Variants in CREB5 observed in about 807,000 individuals in gnomAD.
CREB5 encodes the protein cAMP responsive element binding protein 5, also known as cyclic AMP-responsive element-binding protein 5.
In CREB5, 19 loss-of-function variants were observed where a neutral mutation model predicts 57.1. That is an observed-to-expected ratio of 0.33 (90% CI 0.23 to 0.49). The LOEUF (loss-of-function observed/expected upper bound fraction) is 0.49, where lower values mean the gene tolerates loss of function less well. Among genes scored for constraint, CREB5 ranks in the 20% least tolerant of loss-of-function variants. The probability of loss-of-function intolerance (pLI) is 0.99; values close to 1 mark genes in which losing one functional copy is unlikely to be tolerated. For synonymous variants in CREB5, 238 were observed against 238.3 expected, an observed-to-expected ratio of 1.00 and a Z score of 0.01; for missense variants, 579 against 671.6, an observed-to-expected ratio of 0.86 and a Z score of 1.52.
intron 7 of CREB5, among the ~76,000 whole-genome samples, chr7:28,761,326 G>A (rs573149652): frequency 2.0e-5 from 3 of 152,256 alleles, no homozygotes; most frequent in East Asian, 3.9e-4. Flanking sequence ...TAACTGCTCT[G>A]GACTTCACTT....
intron 3 of CREB5, among the ~76,000 whole-genome samples, chr7:28,495,571 C>T (rs1792005859): frequency 6.6e-6 from 1 of 151,688 alleles, no homozygotes; most frequent in African/African-American, 2.4e-5. Context: ...CCTGTAATCA[C>T]ACTCGAGCAA....
intron 7 of CREB5, among the ~76,000 whole-genome samples, chr7:28,776,576 T>C (rs994795549): frequency 6.6e-6 from 1 of 152,224 alleles, no homozygotes; most frequent in African/African-American, 2.4e-5. Flanking sequence ...ATTCACTCTC[T>C]CAAAGTGCAC....
At chr7:28,552,833 A>G (rs1488470133) in intron 4 of CREB5, among the ~76,000 whole-genome samples, 2 of 152,232 alleles carry the variant, frequency 1.3e-5, no homozygotes, top group African/African-American at 2.4e-5. Flanking sequence ...GCGATGAAGT[A>G]CGAGGTAGGC....
chr7:28,675,745 C>T (rs1800287790), intron 5 of CREB5, among the ~76,000 whole-genome samples: 1 of 151,946 alleles, frequency 6.6e-6, no homozygotes, highest in African/African-American at 2.4e-5. Context: ...CAGTGTGGAT[C>T]CTGTTTCAGC....
chr7:28,563,417 G>T (rs1795353832), intron 4 of CREB5, among the ~76,000 whole-genome samples: 1 of 152,196 alleles, frequency 6.6e-6, no homozygotes, highest in Admixed American at 6.5e-5. Flanking sequence ...TGGAGCTGAT[G>T]CAAACTTGAT....
At chr7:28,362,096 C>G (rs558028858) in intron 1 of CREB5, among the ~76,000 whole-genome samples, 1 of 152,138 alleles carries the variant, frequency 6.6e-6, no homozygotes. Flanking sequence ...AGCAAATTCT[C>G]AGAAGTACAT....
At chr7:28,631,565 G>T (rs1000585774) in intron 5 of CREB5, among the ~76,000 whole-genome samples, 2 of 152,018 alleles carry the variant, frequency 1.3e-5, no homozygotes, top group Non-Finnish European at 1.5e-5. Flanking sequence ...CGGAGGGGGC[G>T]GCAGAGGGGA....
intron 5 of CREB5, among the ~76,000 whole-genome samples, chr7:28,676,872 A>G (rs1422635959): frequency 6.6e-6 from 1 of 152,192 alleles, no homozygotes; most frequent in East Asian, 1.9e-4. Flanking sequence ...TTGATAGTAA[A>G]CATAGAAGAG....
chr7:28,464,220 A>G (rs1790464554), intron 1 of CREB5, among the ~76,000 whole-genome samples: 1 of 151,998 alleles, frequency 6.6e-6, no homozygotes, highest in South Asian at 2.1e-4. Context: ...ATGTTGCTGG[A>G]TTTGGGTTGC....
chr7:28,451,359 T>C (rs1031120464), intron 1 of CREB5, among the ~76,000 whole-genome samples: 1 of 152,138 alleles, frequency 6.6e-6, no homozygotes, highest in Non-Finnish European at 1.5e-5. Flanking sequence ...GGTTTGGGCA[T>C]AAACAAGTAA....
At chr7:28,514,273 A>T (rs1365818313) in intron 4 of CREB5, among the ~76,000 whole-genome samples, 1 of 152,154 alleles carries the variant, frequency 6.6e-6, no homozygotes, top group African/African-American at 2.4e-5. Flanking sequence ...AGGCAAAGTG[A>T]AGGGGGGAGG....
At chr7:28,519,032 A>C (rs1472985160) in intron 4 of CREB5, among the ~76,000 whole-genome samples, 2 of 152,216 alleles carry the variant, frequency 1.3e-5, no homozygotes, top group African/African-American at 4.8e-5. Context: ...ACATCACTAG[A>C]GCATCTCACT....
At chr7:28,330,323 G>A (rs1785689819) in intron 1 of CREB5, among the ~76,000 whole-genome samples, 1 of 151,224 alleles carries the variant, frequency 6.6e-6, no homozygotes, top group African/African-American at 2.4e-5. Context: ...TTGAGAGGAG[G>A]GTTAAACTCT....
At chr7:28,409,614 T>C (rs1366132739), upstream of CREB5, 1 of 250,756 alleles carries the variant, frequency 4.0e-6, no homozygotes, top group African/African-American at 2.4e-5. This position sits in a 1 kb window ranked among gnomAD's most constrained non-coding sequence, Gnocchi z 4.4. Flanking sequence ...GATGCATTTT[T>C]TTCTGGAGGG....
chr7:28,738,355 G>A (rs182619669), intron 7 of CREB5, among the ~76,000 whole-genome samples: 2 of 152,274 alleles, frequency 1.3e-5, no homozygotes, highest in East Asian at 1.9e-4. Flanking sequence ...TAGCAAAGGA[G>A]CAAGAACTCC....
chr7:28,420,820 A>T (rs987683585), intron 1 of CREB5, among the ~76,000 whole-genome samples: 2 of 151,684 alleles, frequency 1.3e-5, no homozygotes, highest in East Asian at 1.9e-4. Context: ...AAAAAAAAAA[A>T]AAAAAAAAAG....
chr7:28,436,096 T>G (rs1788949563), intron 1 of CREB5, among the ~76,000 whole-genome samples: 1 of 122,166 alleles, frequency 8.2e-6, no homozygotes. Context: ...TTTCACTGGC[T>G]TCATTAATGT....
chr7:28,621,028 T>A (rs995283173), intron 5 of CREB5, among the ~76,000 whole-genome samples: 1 of 152,214 alleles, frequency 6.6e-6, no homozygotes, highest in Admixed American at 6.5e-5. Flanking sequence ...TTTAGAATGA[T>A]GTGGCCATTT....
intron 1 of CREB5, among the ~76,000 whole-genome samples, chr7:28,402,881 A>T (rs1187766397): frequency 1.3e-5 from 2 of 152,230 alleles, no homozygotes; most frequent in Non-Finnish European, 2.9e-5. Context: ...ATCAGAGTGT[A>T]TAGGCAATCT....
Sources: allele counts gnomAD v4.1 joint callset (sites outside exome capture counted in the v4.1 genomes callset), GRCh38; gene constraint gnomAD v4.1.1; non-coding constraint Gnocchi (gnomAD v3.1); transcripts MANE v1.5; gene names NCBI Gene and HGNC (gene_info 2026-07-23, HGNC 2026-07-21).